RABL6: variants seen among roughly 807,000 people sequenced by gnomAD.
The protein encoded by RABL6 is RAB, member RAS oncogene family like 6.
A neutral mutation model predicts 72.9 loss-of-function variants in RABL6; 28 were observed. That is an observed-to-expected ratio of 0.38 (90% CI 0.28 to 0.53). RABL6 has a LOEUF of 0.53. Ranked by LOEUF, RABL6 falls within the 20% of genes least tolerant of loss-of-function variation. The pLI, the probability that RABL6 is intolerant of heterozygous loss-of-function variation, is 0.80. For synonymous variants in RABL6, 477 were observed against 421.2 expected (o/e 1.13, Z -1.62); for missense variants, 1,029 against 1,008.4 (o/e 1.02, Z -0.28).
chr9:136,841,163 C>T lies in RABL6; in HGVS notation c.*641C>T. 2 of 755,354 alleles carry T rather than the reference C, an allele frequency of 2.6e-6. No individual in the cohort carries two copies. The highest frequency in any genetic ancestry group is 3.9e-6 in the Non-Finnish European group (2 of 519,334). 46.8% of individuals were successfully genotyped at this position (755,354 alleles called of 1,614,324 possible). On this transcript the variant is annotated 3_prime_UTR_variant, in exon 15 of 15. Transcript: ENST00000311502. ...CTCCTCCCAAACACTCCACTCAGAC[C>T]ATAAAGCACTCCTGTTTCACTCTGC...
chr9:136,817,825 G>A (rs1046138804), intron 1 of RABL6, among the ~76,000 whole-genome samples: 1 of 152,104 alleles, frequency 6.6e-6, no homozygotes, highest in Non-Finnish European at 1.5e-5. Flanking sequence ...ACTTTGCGAG[G>A]CTGAGGCAGG....
At position 136,838,952 on chromosome 9, in the gene RABL6, C is replaced by G; in HGVS notation, c.1324C>G (p.Gln442Glu). ...LGGNPMVAGF[Q>E]DDVDLEDQPR... ...CGGCAACCCGATGGTGGCAGGGTTC[C>G]AGGACGATGTGGACCTCGAAGACCA... Residue 442 changes from glutamine to glutamate, a missense_variant, in exon 11 of 15, where the codon CAG (glutamine) becomes GAG (glutamate). Transcript: ENST00000311502. 1.2e-6 allele frequency: 2 copies of G among 1,610,018 alleles called. No individual in the cohort carries two copies. Among genetic ancestry groups the G allele is most frequent in the Non-Finnish European group, 1.7e-6 (2 of 1,178,786 alleles).
At position 136,825,820 on chromosome 9, in the gene RABL6, G is replaced by A; in HGVS notation, c.307G>A (p.Asp103Asn). The A allele has an allele frequency of 6.2e-7, 1 of 1,612,590 alleles. No homozygotes were observed. The highest frequency in any genetic ancestry group is 8.5e-7 in the Non-Finnish European group (1 of 1,178,628). ...IVKVEVWDVV[D>N]KGKCKKRGDG... ...GAAGGTTGAAGTCTGGGATGTAGTA[G>A]ACAAAGGTGAGGCGTCTCTGTTCTG... Residue 103 changes from aspartate to asparagine, a missense_variant, in exon 3 of 15, where the codon GAC (aspartate) becomes AAC (asparagine). Asp to Asn is a conservative substitution (Grantham distance 23). Around this residue, in one of 2 missense-constraint regions of RABL6, gnomAD observed 434 missense variants for 536.1 expected, o/e 0.81. Coordinates refer to ENST00000311502, the MANE Select transcript of RABL6 (RefSeq NM_024718.5).
At chr9:136,818,020 C>T (rs1324672351) in intron 1 of RABL6, among the ~76,000 whole-genome samples, 1 of 146,436 alleles carries the variant, frequency 6.8e-6, no homozygotes, top group East Asian at 2.0e-4. Flanking sequence ...TGAGATCGCG[C>T]CGCTGCACTC....
In RABL6 at chr9:136,823,595, G is replaced by A. The variant is rs368002409; in HGVS notation, c.201G>A (p.Pro67=). Reference sequence around the variant, plus strand: ...TGTGGCACCGCCTGCAGGGCCGGCCGTTCGTGGAGGAGTACATCCCCACAC... The same window carrying A: ...TGTGGCACCGCCTGCAGGGCCGGCCATTCGTGGAGGAGTACATCCCCACAC... The part of the protein sequence containing the change: ...TALWHRLQGR[P]FVEEYIPTQE... Residue 67 remains proline (P), a synonymous_variant, in exon 2 of 15, where the codon CCG becomes CCA. Coordinates refer to ENST00000311502, the MANE Select transcript of RABL6 (RefSeq NM_024718.5). 11 of 1,613,660 alleles carry A rather than the reference G, an allele frequency of 6.8e-6. No individual in the cohort carries two copies. The highest frequency in any genetic ancestry group is 6.7e-5 in the Admixed American group (4 of 59,994).
intron 1 of RABL6, among the ~76,000 whole-genome samples, chr9:136,812,090 G>A (rs1848024178): frequency 6.6e-6 from 1 of 152,216 alleles, no homozygotes; most frequent in Non-Finnish European, 1.5e-5. Context: ...TGTTGCCTGA[G>A]TTGGTCTGTC....
At chr9:136,836,834 A>G in intron 8 of RABL6, 2 of 276,552 alleles carry the variant, frequency 7.2e-6, no homozygotes, top group South Asian at 6.8e-5. Flanking sequence ...GGAGCTGGAC[A>G]CATGTACGCT....
Position 136,840,561 on chromosome 9 carries a change from G to A in RABL6, c.*39G>A. ...GTGGCCGCCCTGGGGCGGGGGGCGT[G>A]CCTGTCACTGCCTGGGGAGGCATTT... On this transcript the variant is annotated 3_prime_UTR_variant, in exon 15 of 15. Transcript: ENST00000311502. The A allele has an allele frequency of 2.6e-6, 4 of 1,547,658 alleles. No individual in the cohort carries two copies. Among genetic ancestry groups the A allele is most frequent in the Non-Finnish European group, 3.5e-6 (4 of 1,146,434 alleles).
chr9:136,832,115 C>T, intron 6 of RABL6, 150 bp from the exon 7 acceptor site: 6 of 899,206 alleles, frequency 6.7e-6, no homozygotes, highest in Non-Finnish European at 1.0e-5. Context: ...CTCGGCTTAG[C>T]TGCTTAGCAG....
At chr9:136,833,573 A>G (rs546200609) in intron 7 of RABL6, 12 of 1,021,854 alleles carry the variant, frequency 1.2e-5, no homozygotes, top group Admixed American at 1.2e-4. Flanking sequence ...GGGCTGCCCC[A>G]GCTGGGTCTG....
chr9:136,834,929 TAA>T (rs71385775), intron 7 of RABL6, among the ~76,000 whole-genome samples: 83 of 74,390 alleles, frequency 1.1e-3, no homozygotes, highest in Non-Finnish European at 9.5e-4. Flanking sequence ...GACCCTGTTC[TAA>T]AAAAAAAAAA....
chr9:136,837,222 C>T lies in RABL6; in HGVS notation c.810-124C>T, dbSNP rs546606348. Reference sequence around the variant, plus strand: ...GATGGGGATGATGGCCTCTGTGGGGCGGGTGGCCCAGAACACAGTGGCTCT... The same window carrying T: ...GATGGGGATGATGGCCTCTGTGGGGTGGGTGGCCCAGAACACAGTGGCTCT... On this transcript the variant is annotated intron_variant, in intron 8 of 14. Transcript: ENST00000311502. The T allele has an allele frequency of 4.3e-4, 471 of 1,100,076 alleles. 2 individuals are homozygous for T. Among genetic ancestry groups the T allele is most frequent in the Admixed American group, 7.7e-4 (39 of 50,398 alleles). The allele number at this position is 1,100,076 out of a possible 1,614,324, so 68.1% of individuals were successfully genotyped here.
chr9:136,822,555 C>T (rs1254710760), intron 1 of RABL6, among the ~76,000 whole-genome samples: 1 of 152,170 alleles, frequency 6.6e-6, no homozygotes, highest in Admixed American at 6.5e-5. Flanking sequence ...GCTGGGTGTT[C>T]TTAGTCCAGT....
In RABL6 at chr9:136,837,622, T is replaced by C. The variant is rs748448436; in HGVS notation, c.1086T>C (p.Phe362=). The change falls in exon 9 of 15, where the codon TTT becomes TTC. Residue 362 remains phenylalanine (F), a synonymous_variant. Coordinates refer to ENST00000311502, the MANE Select transcript of RABL6 (RefSeq NM_024718.5). The part of the protein sequence containing the change: ...APRRSIISRL[F]GTSPATEAAP... ...GGCGCAGCATCATCTCTAGGCTGTT[T>C]GGGACGTCACCTGCCACCGAGGCAG... 57 of 1,598,134 alleles carry C rather than the reference T, an allele frequency of 3.6e-5. No individual in the cohort carries two copies. In the South Asian group the frequency reaches 5.5e-4, roughly 16 times the overall value.
intron 1 of RABL6, among the ~76,000 whole-genome samples, chr9:136,820,560 G>A (rs549519483): frequency 1.3e-5 from 2 of 152,144 alleles, no homozygotes; most frequent in South Asian, 4.2e-4. Context: ...TAGTAGATAC[G>A]GGGTTTCTCC....
chr9:136,836,024 C>A, intron 8 of RABL6, 179 bp downstream of exon 8: 1 of 602,196 alleles, frequency 1.7e-6, no homozygotes, highest in Middle Eastern at 4.5e-4. Context: ...AGCAGCCCCC[C>A]CACAGTCACC....
chr9:136,808,232 C>A lies in RABL6; in HGVS notation c.36C>A (p.Asp12Glu), dbSNP rs2131145909. ...FSALKKLVGS[D>E]QAPGRDKNIP... is the part of the protein sequence containing the mutation. Reference sequence around the variant, plus strand: ...CCCTGAAGAAGCTGGTGGGGTCGGACCAGGCCCCGGGCCGGGACAAGAACA... The same window carrying A: ...CCCTGAAGAAGCTGGTGGGGTCGGAACAGGCCCCGGGCCGGGACAAGAACA... The change falls in exon 1 of 15, where the codon GAC becomes GAA. Residue 12 changes from aspartate to glutamate, a missense_variant. Coordinates refer to ENST00000311502, the MANE Select transcript of RABL6 (RefSeq NM_024718.5). 6 of 1,561,552 alleles carry A rather than the reference C, an allele frequency of 3.8e-6. No individual in the cohort carries two copies. In the East Asian group the frequency reaches 7.7e-5, roughly 20 times the overall value.
intron 13 of RABL6, 141 bp downstream of exon 13, chr9:136,840,006 C>T: frequency 2.0e-6 from 3 of 1,478,372 alleles, no homozygotes; most frequent in South Asian, 2.3e-5. Context: ...CCTGCAGGAG[C>T]TGATGTTTGC....
At chr9:136,823,035 C>T (rs1588356266) in intron 1 of RABL6, among the ~76,000 whole-genome samples, 1 of 150,600 alleles carries the variant, frequency 6.6e-6, no homozygotes, top group South Asian at 2.1e-4. Context: ...TTGCAGTGAG[C>T]CGAGATAGCA....
Sources: gnomAD v4.1 joint callset for allele counts (sites outside exome capture counted in the v4.1 genomes callset) on GRCh38, gnomAD v4.1.1 for gene constraint, gnomAD v4.1.1 regional missense constraint, MANE v1.5 for transcripts, NCBI Gene and HGNC (gene_info 2026-07-23, HGNC 2026-07-21) for gene names.